The following CTNNA2 variants were observed in gnomAD, a reference collection of about 807,000 sequenced individuals.
The protein encoded by CTNNA2 is catenin alpha 2.
In CTNNA2, 42 loss-of-function variants were observed where a neutral mutation model predicts 101.0. That is an observed-to-expected ratio of 0.42 (90% confidence interval 0.32 to 0.54). The LOEUF is 0.54. CTNNA2 is among the 20% of genes least tolerant of loss of function. The pLI, the probability that CTNNA2 is intolerant of heterozygous loss-of-function variation, is 0.14. For synonymous variants in CTNNA2, 450 were observed against 456.4 expected (o/e 0.99, Z 0.18); for missense variants, 871 against 1,223.1 (o/e 0.71, Z 4.29).
intron 11 of CTNNA2, among the ~76,000 whole-genome samples, chr2:80,554,561 A>G (rs1189220507): frequency 6.6e-6 from 1 of 152,160 alleles, no homozygotes; most frequent in Non-Finnish European, 1.5e-5. Context: ...CTTGATAGGA[A>G]GAGGATAGAA....
rs1055681151 is a variant in CTNNA2, at chr2:79,739,684, C to CTA, written c.103-4700_103-4699dup. ...AAGCTGCATCAGACACTTAAAAAGTCTATAAGTACCATCTACCAAGACCTA... is the reference window on the plus strand; with the variant it reads ...AAGCTGCATCAGACACTTAAAAAGTCTATATAAGTACCATCTACCAAGACCTA... On this transcript the variant is annotated intron_variant, in intron 2 of 18. Transcript: ENST00000402739. Among the ~76,000 whole-genome samples the CTA allele has an allele frequency of 1.2e-4, 19 of 152,344 alleles. 1 individual carries two copies. Among genetic ancestry groups the CTA allele is most frequent in the African/African-American group, 4.3e-4 (18 of 41,574 alleles).
chr2:80,191,377 G>C (rs536207021), intron 7 of CTNNA2, among the ~76,000 whole-genome samples: 6 of 152,228 alleles, frequency 3.9e-5, no homozygotes, highest in Admixed American at 1.3e-4. Flanking sequence ...TTTCTTCCAA[G>C]AAGTATTTAT....
intron 1 of CTNNA2, among the ~76,000 whole-genome samples, chr2:79,561,733 T>A (rs1184429280): frequency 6.6e-6 from 1 of 151,968 alleles, no homozygotes; most frequent in Non-Finnish European, 1.5e-5. Flanking sequence ...TCTTTTCATG[T>A]ACTTGGTGGC....
At chr2:80,097,048 T>C (rs1040340240) in intron 7 of CTNNA2, among the ~76,000 whole-genome samples, 5 of 152,206 alleles carry the variant, frequency 3.3e-5, no homozygotes, top group Non-Finnish European at 5.9e-5. Context: ...ATCCTGTCAT[T>C]ATGATGTCAG....
At chr2:79,225,686 A>G (rs1348055329) in intron 2 of CTNNA2, among the ~76,000 whole-genome samples, 1 of 152,152 alleles carries the variant, frequency 6.6e-6, no homozygotes, top group Non-Finnish European at 1.5e-5. Context: ...AATGAGTAAT[A>G]TTTGAGTTAT....
intron 18 of CTNNA2, among the ~76,000 whole-genome samples, chr2:80,635,017 A>G (rs1672723266): frequency 6.6e-6 from 1 of 152,164 alleles, no homozygotes; most frequent in Non-Finnish European, 1.5e-5. Context: ...TGCTTAGATC[A>G]TTCTCTTCAT....
chr2:80,306,933 G>A (rs1230349474), intron 7 of CTNNA2, among the ~76,000 whole-genome samples: 1 of 151,988 alleles, frequency 6.6e-6, no homozygotes, highest in Non-Finnish European at 1.5e-5. Flanking sequence ...TTGAGTGTTG[G>A]CAAGAAAGAA....
intron 7 of CTNNA2, among the ~76,000 whole-genome samples, chr2:80,272,424 G>A (rs941732368): frequency 2.0e-5 from 3 of 152,200 alleles, no homozygotes; most frequent in Admixed American, 6.5e-5. Flanking sequence ...AAGGCTGAAA[G>A]TTTTATTTAA....
At chr2:80,580,190 A>T (rs1211404782) in intron 13 of CTNNA2, among the ~76,000 whole-genome samples, 5 of 152,226 alleles carry the variant, frequency 3.3e-5, no homozygotes, top group Non-Finnish European at 5.9e-5. Flanking sequence ...TGCGTGAGTT[A>T]GTGCCTGTAA....
chr2:80,141,511 A>G (rs1425128731), intron 7 of CTNNA2, among the ~76,000 whole-genome samples: 1 of 152,056 alleles, frequency 6.6e-6, no homozygotes, highest in Non-Finnish European at 1.5e-5. Flanking sequence ...CACCCCCTCC[A>G]ACCCTGTGAG....
chr2:79,360,810 G>A (rs536617652), intron 3 of CTNNA2, among the ~76,000 whole-genome samples: 4 of 152,244 alleles, frequency 2.6e-5, no homozygotes, highest in Admixed American at 2.6e-4. Context: ...TGGATATTCA[G>A]AGAGACCCAC....
intron 5 of CTNNA2, among the ~76,000 whole-genome samples, chr2:79,872,801 G>A (rs1682693157): frequency 6.6e-6 from 1 of 152,224 alleles, no homozygotes; most frequent in African/African-American, 2.4e-5. Context: ...AATAGGAAGA[G>A]AAGCCCAGTG....
chr2:79,872,944 TAAC>T (rs1486593516), intron 5 of CTNNA2, among the ~76,000 whole-genome samples: 1 of 152,234 alleles, frequency 6.6e-6, no homozygotes, highest in Non-Finnish European at 1.5e-5. Flanking sequence ...AACATTTTCT[TAAC>T]AACAGCCTTT....
At chr2:80,106,480 T>C (rs1700896697) in intron 7 of CTNNA2, among the ~76,000 whole-genome samples, 1 of 152,206 alleles carries the variant, frequency 6.6e-6, no homozygotes, top group Non-Finnish European at 1.5e-5. Flanking sequence ...TTTGGTTTTT[T>C]GGAACAGAGG....
chr2:79,279,161 A>T (rs927074994), intron 2 of CTNNA2, among the ~76,000 whole-genome samples: 1 of 152,080 alleles, frequency 6.6e-6, no homozygotes, highest in Admixed American at 6.6e-5. Flanking sequence ...TTTCCAAAAG[A>T]TCTATAAAAA....
At chr2:80,061,091 C>T (rs1697569776) in intron 7 of CTNNA2, among the ~76,000 whole-genome samples, 1 of 152,116 alleles carries the variant, frequency 6.6e-6, no homozygotes, top group East Asian at 1.9e-4. Context: ...AAAGCGTCCT[C>T]CCCAGCATGT....
intron 7 of CTNNA2, among the ~76,000 whole-genome samples, chr2:80,068,354 TCTC>T (rs1440632949): frequency 6.6e-6 from 1 of 152,168 alleles, no homozygotes; most frequent in Non-Finnish European, 1.5e-5. Context: ...AGGTCATGCT[TCTC>T]CTGTTTATCA....
chr2:79,583,837 C>T (rs544529842), intron 1 of CTNNA2, among the ~76,000 whole-genome samples: 11 of 152,126 alleles, frequency 7.2e-5, no homozygotes, highest in African/African-American at 2.4e-4. Context: ...CAAGACTTCT[C>T]CAAAACATTT....
In CTNNA2 at chr2:80,097,365, C is replaced by T. The variant is rs373130764; in HGVS notation, c.1056+187568C>T. On this transcript the variant is annotated intron_variant, in intron 7 of 18. Transcript: ENST00000402739. ...CTTTTCTCGCTTGTAGAGTTTCTGC[C>T]GAGAGATCAGCTGTTAGTCTGATGG... Among the ~76,000 whole-genome samples, 47 of 152,210 alleles carry T rather than the reference C, an allele frequency of 3.1e-4. 1 individual carries two copies. The highest frequency in any genetic ancestry group is 2.7e-3 in the South Asian group (13 of 4,822).
Sources: allele counts gnomAD v4.1 joint callset (sites outside exome capture counted in the v4.1 genomes callset), GRCh38; gene constraint gnomAD v4.1.1; transcripts MANE v1.5; gene names NCBI Gene and HGNC (gene_info 2026-07-23, HGNC 2026-07-21).